KLRF1: variants seen among roughly 807,000 people sequenced by gnomAD.
KLRF1 encodes killer cell lectin-like receptor subfamily F member 1.
In KLRF1, 27 loss-of-function variants were observed where a neutral mutation model predicts 30.7. That is an observed-to-expected ratio of 0.88 (90% CI 0.65 to 1.21). The LOEUF is 1.21. KLRF1 is among the 50% of genes most tolerant of loss of function. KLRF1 has a pLI of 0.00. For missense variants in KLRF1, 246 were observed against 259.3 expected (o/e 0.95, Z 0.35); for synonymous variants, 92 against 89.3 (o/e 1.03, Z -0.17).
the KLRF1 span, among the ~76,000 whole-genome samples, chr12:9,811,390 A>C: frequency 1.3e-5 from 2 of 150,158 alleles, no homozygotes; most frequent in Non-Finnish European, 3.0e-5. Context: ...CAGGCTGGTA[A>C]CATCTTTATT....
In KLRF1 at chr12:9,844,580, A is replaced by G. The variant is rs1053258742; in HGVS notation, c.*54A>G. 2 of 930,914 alleles carry G rather than the reference A, an allele frequency of 2.1e-6. No individual in the cohort carries two copies. Among genetic ancestry groups the G allele is most frequent in the Non-Finnish European group, 3.4e-6 (2 of 588,466 alleles). 57.7% of individuals were successfully genotyped at this position (930,914 alleles called of 1,614,324 possible). A position where few individuals can be genotyped will look rare whatever the true frequency, so the allele number is the denominator to read the frequency against. On this transcript the variant is annotated 3_prime_UTR_variant, in exon 6 of 6. Coordinates refer to ENST00000617889, the MANE Select transcript of KLRF1 (RefSeq NM_016523.3). The stretch of plus-strand genomic sequence containing the variant: ...CAATGATCACTATTTTTGGCCTATT[A>G]GTTTCTAATATTAATCTCCAGGTGT...
intron 1 of KLRF1, among the ~76,000 whole-genome samples, chr12:9,831,071 A>C (rs1350324220): frequency 6.6e-6 from 1 of 152,146 alleles, no homozygotes; most frequent in South Asian, 2.1e-4. Flanking sequence ...CTTAGGAGAA[A>C]TAATTCAGTC....
chr12:9,830,287 T>G (rs915020049), intron 1 of KLRF1, among the ~76,000 whole-genome samples: 2 of 152,144 alleles, frequency 1.3e-5, no homozygotes, highest in Non-Finnish European at 2.9e-5. Flanking sequence ...TACTATTTTT[T>G]GTTTCTGGAA....
chr12:9,822,098 A>C, the KLRF1 span, among the ~76,000 whole-genome samples: 2,151 of 152,288 alleles, frequency 0.014, 42 homozygotes, highest in African/African-American at 0.049. Flanking sequence ...CAGCAACTCA[A>C]ATGGCCAGAG....
the KLRF1 span, among the ~76,000 whole-genome samples, chr12:9,809,542 A>G: frequency 2.6e-5 from 4 of 152,148 alleles, no homozygotes; most frequent in Non-Finnish European, 5.9e-5. Flanking sequence ...GCTGCTGGGA[A>G]TAAGTTTGTT....
At chr12:9,834,099 C>CA in intron 3 of KLRF1, among the ~76,000 whole-genome samples, 1 of 151,430 alleles carries the variant, frequency 6.6e-6, no homozygotes, top group Non-Finnish European at 1.5e-5. Context: ...ACAAGGTGCT[C>CA]AGTGGGGGAG....
At chr12:9,806,318 G>A in the KLRF1 span, among the ~76,000 whole-genome samples, 20,495 of 151,896 alleles carry the variant, frequency 0.13, 1,545 homozygotes, top group Non-Finnish European at 0.16. Context: ...AGTTGTTTAA[G>A]TTCCACATAT....
chr12:9,825,681 A>G (rs1395389592), upstream of KLRF1, among the ~76,000 whole-genome samples: 1 of 152,136 alleles, frequency 6.6e-6, no homozygotes, highest in African/African-American at 2.4e-5. Context: ...AAAATAATTA[A>G]CTGTAAGAGC....
chr12:9,826,226 C>A (rs1035644517), upstream of KLRF1, among the ~76,000 whole-genome samples: 3 of 152,056 alleles, frequency 2.0e-5, no homozygotes, highest in African/African-American at 2.4e-5. Flanking sequence ...CAGGTATTAA[C>A]CCTAGTACCC....
At chr12:9,838,589 A>T (rs1867637307) in intron 3 of KLRF1, among the ~76,000 whole-genome samples, 3 of 152,208 alleles carry the variant, frequency 2.0e-5, no homozygotes, top group African/African-American at 7.2e-5. Context: ...GTGAGTGGTA[A>T]ATGCTCCAAG....
At chr12:9,842,797 A>G (rs941709998) in intron 5 of KLRF1, among the ~76,000 whole-genome samples, 2 of 152,154 alleles carry the variant, frequency 1.3e-5, no homozygotes, top group African/African-American at 4.8e-5. Context: ...TACAAATGGT[A>G]TATACAACAT....
chr12:9,842,555 A>G, intron 5 of KLRF1, 122 bp downstream of exon 5: 2 of 812,654 alleles, frequency 2.5e-6, no homozygotes, highest in Non-Finnish European at 3.6e-6. Flanking sequence ...AATGAAAATT[A>G]ATTTAGTATT....
At position 9,829,391 on chromosome 12, in the gene KLRF1, AT is replaced by A. The variant is rs908839898; in HGVS notation, c.85+1770del. 1.3e-4 allele frequency among the ~76,000 whole-genome samples: 20 copies of A among 151,834 alleles called. 1 individual carries two copies. Among genetic ancestry groups the A allele is most frequent in the Admixed American group, 8.6e-4 (13 of 15,202 alleles). On this transcript the variant is annotated intron_variant, in intron 1 of 5. Transcript: ENST00000617889. ...GATTCCTTTTCTTCATTTTTTATGGATTTTTTTTCATTTTTGTTTAACTTAC... is the reference window on the plus strand; with the variant it reads ...GATTCCTTTTCTTCATTTTTTATGGATTTTTTTCATTTTTGTTTAACTTAC...
rs1283729630 is a variant in KLRF1, at chr12:9,844,644, C to T, written c.*118C>T. The T allele has an allele frequency of 3.4e-6, 2 of 587,888 alleles. No homozygotes were observed. Among genetic ancestry groups the T allele is most frequent in the Non-Finnish European group, 6.1e-6 (2 of 327,220 alleles). The allele number at this position is 587,888 out of a possible 1,614,324, so 36.4% of individuals were successfully genotyped here. A position where few individuals can be genotyped will look rare whatever the true frequency, so the allele number is the denominator to read the frequency against. On this transcript the variant is annotated 3_prime_UTR_variant, in exon 6 of 6. Coordinates refer to ENST00000617889, the MANE Select transcript of KLRF1 (RefSeq NM_016523.3). ...GCAATTAAATGCCAAAATCTCTTCTCCCTTCTCCCTCCATCATCGACACTG... is the reference window on the plus strand; with the variant it reads ...GCAATTAAATGCCAAAATCTCTTCTTCCTTCTCCCTCCATCATCGACACTG...
chr12:9,843,161 T>G (rs1867742243), intron 5 of KLRF1, among the ~76,000 whole-genome samples: 3 of 151,880 alleles, frequency 2.0e-5, no homozygotes, highest in Non-Finnish European at 4.4e-5. Context: ...AGAATTAGAG[T>G]CATATTGGGA....
the KLRF1 span, among the ~76,000 whole-genome samples, chr12:9,805,377 G>T: frequency 6.6e-6 from 1 of 151,830 alleles, no homozygotes. Flanking sequence ...GGATGGAAGG[G>T]CCCAAAGGAC....
intron 3 of KLRF1, among the ~76,000 whole-genome samples, chr12:9,834,353 C>T (rs1867521707): frequency 6.6e-6 from 1 of 151,682 alleles, no homozygotes. Flanking sequence ...TGCCTTCTTA[C>T]AGTAATAAGA....
the KLRF1 span, among the ~76,000 whole-genome samples, chr12:9,806,806 T>C: frequency 5.9e-5 from 9 of 152,124 alleles, no homozygotes; most frequent in Admixed American, 1.3e-4. Flanking sequence ...TTAGCCTTCT[T>C]AGTAGCTGAG....
intron 3 of KLRF1, among the ~76,000 whole-genome samples, chr12:9,833,901 CTTTTT>C (rs35443913): frequency 1.2e-5 from 1 of 82,406 alleles, no homozygotes; most frequent in African/African-American, 5.5e-5. Flanking sequence ...AAATGTTTAA[CTTTTT>C]TTTTTTTTTT....
Sources: allele counts gnomAD v4.1 joint callset (sites outside exome capture counted in the v4.1 genomes callset), GRCh38; gene constraint gnomAD v4.1.1; transcripts MANE v1.5; gene names NCBI Gene and HGNC (gene_info 2026-07-23, HGNC 2026-07-21).